Variants in TBC1D22A observed in about 807,000 individuals in gnomAD.
The protein encoded by TBC1D22A is putative GTPase activator.
TBC1D22A carries 38 observed loss-of-function variants against 60.2 expected under a neutral mutation model. That is an observed-to-expected ratio of 0.63 (90% CI 0.49 to 0.83). The LOEUF is 0.83. Ranked by LOEUF, TBC1D22A falls within the 40% of genes least tolerant of loss-of-function variation. The probability of loss-of-function intolerance (pLI) is 0.00; values close to 1 mark genes in which losing one functional copy is unlikely to be tolerated. For missense variants in TBC1D22A, 628 were observed against 701.0 expected (o/e 0.90, Z 1.18); for synonymous variants, 302 against 281.7 (o/e 1.07, Z -0.72).
intron 4 of TBC1D22A, among the ~76,000 whole-genome samples, chr22:46,851,510 G>C (rs2087276664): frequency 6.6e-6 from 1 of 152,250 alleles, no homozygotes; most frequent in African/African-American, 2.4e-5. Context: ...GGAGGCCCTC[G>C]ATGGTTTGAG....
At chr22:47,117,658 G>A (rs550923542) in intron 12 of TBC1D22A, among the ~76,000 whole-genome samples, 49 of 152,310 alleles carry the variant, frequency 3.2e-4, no homozygotes, top group African/African-American at 1.1e-3. Flanking sequence ...GGACGCTCCC[G>A]GGAGCACAGG....
At chr22:46,943,312 C>T (rs1023928299) in intron 8 of TBC1D22A, among the ~76,000 whole-genome samples, 1 of 152,056 alleles carries the variant, frequency 6.6e-6, no homozygotes, top group Non-Finnish European at 1.5e-5. Flanking sequence ...CTGTCCTAGC[C>T]GGGGGCAGAA....
At chr22:46,853,994 C>G (rs568644375) in intron 4 of TBC1D22A, among the ~76,000 whole-genome samples, 1 of 152,312 alleles carries the variant, frequency 6.6e-6, no homozygotes, top group Non-Finnish European at 1.5e-5. Flanking sequence ...TGACATTTTG[C>G]CCCGATTTCC....
intron 8 of TBC1D22A, among the ~76,000 whole-genome samples, chr22:46,931,772 A>C (rs916628662): frequency 1.3e-5 from 2 of 152,214 alleles, no homozygotes; most frequent in Non-Finnish European, 2.9e-5. Context: ...AGCCATACTG[A>C]GGAGCATGGT....
chr22:47,062,606 CAT>C (rs2063618164), intron 11 of TBC1D22A, among the ~76,000 whole-genome samples: 3 of 152,114 alleles, frequency 2.0e-5, no homozygotes, highest in African/African-American at 7.2e-5. Flanking sequence ...CCTGTCACGA[CAT>C]AAAATGCAGC....
chr22:46,878,589 C>A, intron 4 of TBC1D22A, 64 bp from the exon 5 acceptor site: 1 of 1,405,166 alleles, frequency 7.1e-7, no homozygotes, highest in Non-Finnish European at 1.0e-6. Flanking sequence ...TGTGTTAAAG[C>A]ACTGGGGAGG....
chr22:47,168,069 C>T (rs577034673), intron 12 of TBC1D22A, among the ~76,000 whole-genome samples: 2 of 152,360 alleles, frequency 1.3e-5, no homozygotes, highest in South Asian at 2.1e-4. Flanking sequence ...GGGATTTGAA[C>T]GTGGCCGTGG....
chr22:46,777,455 C>T lies in TBC1D22A; in HGVS notation c.62+14607C>T, dbSNP rs944921935. Among the ~76,000 whole-genome samples the T allele has an allele frequency of 6.6e-6, 1 of 152,016 alleles. No individual in the cohort carries two copies. The highest frequency in any genetic ancestry group is 1.5e-5 in the Non-Finnish European group (1 of 67,994). On this transcript the variant is annotated intron_variant, in intron 1 of 12. Transcript: ENST00000337137. This position sits in a 1 kb window ranked among gnomAD's most constrained non-coding sequence, Gnocchi z 4.5. The stretch of plus-strand genomic sequence containing the variant: ...ACCCGTTGACGTGAGGTGGTGGATT[C>T]GTGGCTGAGAGTTGGCAGTGGTTTT...
chr22:47,170,042 G>A (rs890069609), intron 12 of TBC1D22A, among the ~76,000 whole-genome samples: 14 of 152,186 alleles, frequency 9.2e-5, no homozygotes, highest in Non-Finnish European at 1.6e-4. Flanking sequence ...AATGTGCCGC[G>A]TTTCCCAGAC....
At chr22:46,842,637 TGAG>T (rs963223733) in intron 4 of TBC1D22A, among the ~76,000 whole-genome samples, 1 of 152,244 alleles carries the variant, frequency 6.6e-6, no homozygotes, top group African/African-American at 2.4e-5. Flanking sequence ...ATCAGTGGGA[TGAG>T]TTTTAACAAA....
At chr22:47,079,630 A>C (rs1157908884) in intron 11 of TBC1D22A, among the ~76,000 whole-genome samples, 1 of 152,250 alleles carries the variant, frequency 6.6e-6, no homozygotes, top group African/African-American at 2.4e-5. Context: ...CTAGCAAAAT[A>C]AAACATAGGT....
intron 8 of TBC1D22A, among the ~76,000 whole-genome samples, chr22:46,967,468 G>T (rs945446502): frequency 6.6e-6 from 1 of 152,200 alleles, no homozygotes; most frequent in Non-Finnish European, 1.5e-5. Context: ...TTGATTACCA[G>T]TTAAGCTCCT....
At chr22:46,854,699 T>C (rs1006925512) in intron 4 of TBC1D22A, among the ~76,000 whole-genome samples, 12 of 152,206 alleles carry the variant, frequency 7.9e-5, no homozygotes, top group Non-Finnish European at 2.9e-5. Flanking sequence ...CCCCCTGCGA[T>C]GCATTCCAGG....
chr22:46,811,709 G>A (rs1346757734), intron 4 of TBC1D22A, among the ~76,000 whole-genome samples: 9 of 152,222 alleles, frequency 5.9e-5, no homozygotes, highest in African/African-American at 1.4e-4. Flanking sequence ...TCGAGGCCAG[G>A]TGTGTCAGAG....
At chr22:47,131,815 G>C (rs571788967) in intron 12 of TBC1D22A, among the ~76,000 whole-genome samples, 1 of 152,318 alleles carries the variant, frequency 6.6e-6, no homozygotes, top group African/African-American at 2.4e-5. Flanking sequence ...CCTTGAGAGC[G>C]ATCCCACATG....
At chr22:47,122,153 G>C (rs2066294439) in intron 12 of TBC1D22A, among the ~76,000 whole-genome samples, 1 of 152,228 alleles carries the variant, frequency 6.6e-6, no homozygotes, top group African/African-American at 2.4e-5. Flanking sequence ...GGGATGAGGA[G>C]CTGGGGATGA....
intron 1 of TBC1D22A, among the ~76,000 whole-genome samples, chr22:46,780,657 A>G (rs929406411): frequency 9.2e-5 from 14 of 152,142 alleles, no homozygotes; most frequent in Non-Finnish European, 8.8e-5. Flanking sequence ...TTGTATCCTC[A>G]TGGATTAGCT....
intron 8 of TBC1D22A, among the ~76,000 whole-genome samples, chr22:46,937,049 A>G (rs2071696824): frequency 6.6e-6 from 1 of 152,166 alleles, no homozygotes; most frequent in South Asian, 2.1e-4. Context: ...GGAGGGCCGC[A>G]GGGATTTGCA....
rs149973503 is a variant in TBC1D22A at position 47,105,539 on chromosome 22, T to A, written c.1330-5969T>A. ...TGTTCAGGGACTGAACAGTTGTTTG[T>A]GTTTGTCTTTCTTAGCCTTGGCCAG... On this transcript the variant is annotated intron_variant, in intron 11 of 12. Transcript: ENST00000337137. Among the ~76,000 whole-genome samples, 4 of 152,328 alleles carry A rather than the reference T, an allele frequency of 2.6e-5. No homozygotes were observed. In the East Asian group the frequency reaches 7.7e-4, roughly 29 times the overall value.
Sources: gnomAD v4.1 joint callset for allele counts (sites outside exome capture counted in the v4.1 genomes callset) on GRCh38, gnomAD v4.1.1 for gene constraint, Gnocchi (gnomAD v3.1) non-coding constraint, MANE v1.5 for transcripts, NCBI Gene and HGNC (gene_info 2026-07-23, HGNC 2026-07-21) for gene names.